INTS5: variants seen among roughly 807,000 people sequenced by gnomAD.
The protein encoded by INTS5 is KIAA1698.
A neutral mutation model predicts 60.0 loss-of-function variants in INTS5; 29 were observed. The ratio of observed to expected loss-of-function variants is 0.48; its 90% CI spans 0.36 to 0.66. INTS5 has a LOEUF of 0.66. Ranked by LOEUF, INTS5 falls within the 30% of genes least tolerant of loss-of-function variation. The probability of loss-of-function intolerance (pLI) is 0.00; values close to 1 mark genes in which losing one functional copy is unlikely to be tolerated. For missense variants in INTS5, 1,129 were observed against 1,307.9 expected (o/e 0.86, Z 2.11); for synonymous variants, 588 against 558.8 (o/e 1.05, Z -0.74).
chr11:62,646,883 A>T lies in INTS5; in HGVS notation c.*137T>A, dbSNP rs968736723. On this transcript the variant is annotated 3_prime_UTR_variant, in exon 2 of 2. Transcript: ENST00000330574. ...AAGTTGGCAAATTTTATTTAGAAAA[A>T]AAAAAGTGGGAGAGAAAAAAGTGAC... The T allele has an allele frequency of 6.7e-5, 56 of 839,820 alleles. No individual in the cohort carries two copies. The highest frequency in any genetic ancestry group is 1.0e-4 in the Non-Finnish European group (56 of 544,838). 52.0% of individuals were successfully genotyped at this position (839,820 alleles called of 1,614,324 possible). A position where few individuals can be genotyped will look rare whatever the true frequency, so the allele number is the denominator to read the frequency against.
Position 62,647,477 on chromosome 11 carries a change from G to A in INTS5, c.2603C>T (p.Pro868Leu). 1.2e-6 allele frequency: 2 copies of A among 1,605,050 alleles called. No homozygotes were observed. Among genetic ancestry groups the A allele is most frequent in the Non-Finnish European group, 1.7e-6 (2 of 1,174,306 alleles). Reference protein sequence around the residue: ...FELLKLVAAAPPALCYCSVLL... With the variant: ...FELLKLVAAALPALCYCSVLL... ...CACGGAACAGTAGCACAGGGCTGGGGGTGCAGCTGCTACCAGCTTTAACAG... is the reference window on the plus strand; with the variant it reads ...CACGGAACAGTAGCACAGGGCTGGGAGTGCAGCTGCTACCAGCTTTAACAG... The change falls in exon 2 of 2, where the codon CCC (proline) becomes CTC (leucine). Residue 868 changes from proline (P) to leucine (L), a missense_variant. Around this residue, in one of 3 missense-constraint regions of INTS5, gnomAD observed 1,070 missense variants for 1,246.1 expected, o/e 0.86. Transcript: ENST00000330574.
At chr11:62,653,123 G>C (rs1944609497) in intron 1 of INTS5, 47 bp downstream of exon 1, 1 of 1,153,586 alleles carries the variant, frequency 8.7e-7, no homozygotes, top group Non-Finnish European at 1.1e-6. Context: ...GCTAGGGATC[G>C]GCGCGGGGCC....
chr11:62,652,059 T>C (rs759838307), intron 1 of INTS5, among the ~76,000 whole-genome samples: 1 of 150,500 alleles, frequency 6.6e-6, no homozygotes, highest in Non-Finnish European at 1.5e-5. Context: ...GTGCCTCACG[T>C]CTGTAATCCT....
Position 62,653,244 on chromosome 11 carries a change from G to C in INTS5, c.6C>G (p.Ser2=), listed in dbSNP as rs1012702002. 1 of 1,243,522 alleles carries C rather than the reference G, an allele frequency of 8.0e-7. No homozygotes were observed. The highest frequency in any genetic ancestry group is 1.5e-5 in the African/African-American group (1 of 64,538). 77.0% of individuals were successfully genotyped at this position (1,243,522 alleles called of 1,614,324 possible). A position where few individuals can be genotyped will look rare whatever the true frequency, so the allele number is the denominator to read the frequency against. ...GGGCCCCGGGAGGGTCGCACAGCGC[G>C]GACATCCCGGAGCCCGAGCCGAGCC... The part of the protein sequence containing the change: M[S]ALCDPPGAPG... Residue 2 remains serine, a synonymous_variant, in exon 1 of 2, where the codon TCC becomes TCG. Coordinates refer to ENST00000330574, the MANE Select transcript of INTS5 (RefSeq NM_030628.2).
chr11:62,647,164 G>C lies in INTS5; in HGVS notation c.2916C>G (p.Asp972Glu). 6.2e-7 allele frequency: 1 copy of C among 1,614,190 alleles called. No individual in the cohort carries two copies. Among genetic ancestry groups the C allele is most frequent in the Non-Finnish European group, 8.5e-7 (1 of 1,180,026 alleles). Residue 972 changes from aspartate to glutamate, a missense_variant, in exon 2 of 2, where the codon GAC (aspartate) becomes GAG (glutamate). Around this residue, in one of 3 missense-constraint regions of INTS5, gnomAD observed 1,070 missense variants for 1,246.1 expected, o/e 0.86. Coordinates refer to ENST00000330574, the MANE Select transcript of INTS5 (RefSeq NM_030628.2). ...FQSERGRFIR[D>E]FSREGGGEGG... ...CCTCACCTCCACCCTCCCTGGAGAA[G>C]TCCCGAATGAAGCGACCCCGCTCTG...
Position 62,653,162 on chromosome 11 carries a change from C to T in INTS5, c.80+8G>A. ...CGATGGGGGGAAGGTGCCAAGGGCT[C>T]TAACTACCTGAGAGGCGCGGGACCG... On this transcript the variant is annotated splice_region_variant and intron_variant, in intron 1 of 1. Transcript: ENST00000330574. 8.0e-7 allele frequency: 1 copy of T among 1,245,840 alleles called. No homozygotes were observed. Among genetic ancestry groups the T allele is most frequent in the Non-Finnish European group, 1.0e-6 (1 of 985,772 alleles). The allele number at this position is 1,245,840 out of a possible 1,614,324, so 77.2% of individuals were successfully genotyped here. A position where few individuals can be genotyped will look rare whatever the true frequency, so the allele number is the denominator to read the frequency against.
rs1434976211 is a variant in INTS5, at chr11:62,649,771, G to A, written c.309C>T (p.Leu103=). ...DETPVAGPPH[L]RPPPPSHVPA... ...GGACATGAGAGGGTGGAGGTGGACG[G>A]AGGTGAGGTGGACCAGCCACAGGGG... Residue 103 remains leucine, a synonymous_variant, in exon 2 of 2, where the codon CTC becomes CTT. Coordinates refer to ENST00000330574, the MANE Select transcript of INTS5 (RefSeq NM_030628.2). This position sits in a 1 kb window ranked among gnomAD's most constrained non-coding sequence, Gnocchi z 6.0. 2 of 1,614,180 alleles carry A rather than the reference G, an allele frequency of 1.2e-6. No homozygotes were observed. The highest frequency in any genetic ancestry group is 1.7e-6 in the Non-Finnish European group (2 of 1,180,018).
chr11:62,652,929 G>A (rs1354482335), intron 1 of INTS5, among the ~76,000 whole-genome samples: 2 of 152,212 alleles, frequency 1.3e-5, no homozygotes, highest in Admixed American at 6.5e-5. Context: ...CTTGGGAGAG[G>A]AAGCCCGGGG....
Position 62,649,872 on chromosome 11 carries a change from G to C in INTS5, c.208C>G (p.Arg70Gly), listed in dbSNP as rs997572438. The stretch of plus-strand genomic sequence containing the variant: ...CTCAAGTGGTCAAGCACAGCAGCCC[G>C]AGCAGGTGGCAAAGAACGGAGCAGG... ...LLLLRSLPPA[R>G]AAVLDHLRGV... The change falls in exon 2 of 2, where the codon CGG (arginine) becomes GGG (glycine). Residue 70 changes from arginine (R) to glycine (G), a missense_variant. Arg to Gly is a moderately radical substitution (Grantham distance 125). Transcript: ENST00000330574. This position sits in a 1 kb window ranked among gnomAD's most constrained non-coding sequence, Gnocchi z 6.0. 6.2e-7 allele frequency: 1 copy of C among 1,614,174 alleles called. No individual in the cohort carries two copies. Among genetic ancestry groups the C allele is most frequent in the Admixed American group, 1.7e-5 (1 of 60,020 alleles).
In INTS5 at chr11:62,653,188, T is replaced by C; in HGVS notation, c.62A>G (p.His21Arg). 2 of 1,246,860 alleles carry C rather than the reference T, an allele frequency of 1.6e-6. No homozygotes were observed. The highest frequency in any genetic ancestry group is 2.0e-6 in the Non-Finnish European group (2 of 987,464). 77.2% of individuals were successfully genotyped at this position (1,246,860 alleles called of 1,614,324 possible). The change falls in exon 1 of 2, where the codon CAC becomes CGC. Residue 21 changes from histidine (H) to arginine (R), a missense_variant. Physicochemically the swap from His to Arg is conservative, Grantham distance 29. Around this residue, in one of 3 missense-constraint regions of INTS5, gnomAD observed 54 missense variants for 43.1 expected, o/e 1.25. Coordinates refer to ENST00000330574, the MANE Select transcript of INTS5 (RefSeq NM_030628.2). Reference protein sequence around the residue: ...PGPPGPAPATHGPAPLSAQEL... With the variant: ...PGPPGPAPATRGPAPLSAQEL... Reference sequence around the variant, plus strand: ...TAACTACCTGAGAGGCGCGGGACCGTGGGTGGCCGGGGCAGGCCCAGGTGG... The same window carrying C: ...TAACTACCTGAGAGGCGCGGGACCGCGGGTGGCCGGGGCAGGCCCAGGTGG...
chr11:62,649,098 G>A lies in INTS5; in HGVS notation c.982C>T (p.Arg328Cys), dbSNP rs1024650635. 5.6e-6 allele frequency: 9 copies of A among 1,610,452 alleles called. No homozygotes were observed. Among genetic ancestry groups the A allele is most frequent in the Admixed American group, 3.3e-5 (2 of 59,946 alleles). ...HDSLAGGSGG[R>C]SGDPSLQATV... ...GCCTGAAGGGAGGGGTCCCCACTGC[G>A]GCCTCCAGATCCCCCTGCCAGGCTA... Residue 328 changes from arginine to cysteine, a missense_variant, in exon 2 of 2, where the codon CGC becomes TGC. Coordinates refer to ENST00000330574, the MANE Select transcript of INTS5 (RefSeq NM_030628.2). This position sits in a 1 kb window ranked among gnomAD's most constrained non-coding sequence, Gnocchi z 6.0.
In INTS5 at chr11:62,653,165, AC is replaced by A; in HGVS notation, c.80+4del. On this transcript the variant is annotated splice_donor_region_variant and intron_variant, in intron 1 of 1. Transcript: ENST00000330574. ...TGGGGGGAAGGTGCCAAGGGCTCTAACTACCTGAGAGGCGCGGGACCGTGGG... is the reference window on the plus strand; with the variant it reads ...TGGGGGGAAGGTGCCAAGGGCTCTAATACCTGAGAGGCGCGGGACCGTGGG... 8.0e-7 allele frequency: 1 copy of A among 1,245,912 alleles called. No individual in the cohort carries two copies. The allele number at this position is 1,245,912 out of a possible 1,614,324, so 77.2% of individuals were successfully genotyped here.
rs990753382 is a variant in INTS5 at position 62,653,219 on chromosome 11, G to A, written c.31C>T (p.Pro11Ser). 4 of 1,246,720 alleles carry A rather than the reference G, an allele frequency of 3.2e-6. No individual in the cohort carries two copies. Among genetic ancestry groups the A allele is most frequent in the East Asian group, 6.3e-5 (2 of 31,682 alleles). The allele number at this position is 1,246,720 out of a possible 1,614,324, so 77.2% of individuals were successfully genotyped here. MSALCDPPGA[P>S]GPPGPAPATH... is the part of the protein sequence containing the mutation. ...GCCGGGGCAGGCCCAGGTGGCCCTG[G>A]GGCCCCGGGAGGGTCGCACAGCGCG... Residue 11 changes from proline (P) to serine (S), a missense_variant, in exon 1 of 2, where the codon CCA becomes TCA. By Grantham distance (74) the Pro-to-Ser change is moderately conservative (BLOSUM62 -1). Coordinates refer to ENST00000330574, the MANE Select transcript of INTS5 (RefSeq NM_030628.2).
In INTS5 at chr11:62,648,031, A is replaced by G. The variant is rs138226599; in HGVS notation, c.2049T>C (p.Ala683=). 1.2e-5 allele frequency: 19 copies of G among 1,614,086 alleles called. No homozygotes were observed. The African/African-American group carries it at 2.4e-4, about 20-fold the overall frequency. ...LLTRLSQTSP[A]GLKAVLQLLV... is the part of the protein sequence containing the mutation. ...GCAGCTGCAGGACAGCCTTGAGCCC[A>G]GCTGGGGATGTCTGAGACAGGCGGG... Residue 683 remains alanine (A), a synonymous_variant, in exon 2 of 2, where the codon GCT becomes GCC. Coordinates refer to ENST00000330574, the MANE Select transcript of INTS5 (RefSeq NM_030628.2). This position sits in a 1 kb window ranked among gnomAD's most constrained non-coding sequence, Gnocchi z 4.4.
chr11:62,648,562 C>T lies in INTS5; in HGVS notation c.1518G>A (p.Leu506=), dbSNP rs149540389. The T allele has an allele frequency of 1.6e-5, 26 of 1,614,054 alleles. No individual in the cohort carries two copies. The African/African-American group carries it at 3.5e-4, about 22-fold the overall frequency. The part of the protein sequence containing the change: ...FLWQHQLLGL[L]SVYTRPSCGP... Reference sequence around the variant, plus strand: ...CACAGCTAGGCCGGGTATAGACAGACAGCAGGCCCAAGAGCTGGTGCTGCC... The same window carrying T: ...CACAGCTAGGCCGGGTATAGACAGATAGCAGGCCCAAGAGCTGGTGCTGCC... The change falls in exon 2 of 2, where the codon CTG becomes CTA. Residue 506 remains leucine (L), a synonymous_variant. Coordinates refer to ENST00000330574, the MANE Select transcript of INTS5 (RefSeq NM_030628.2). This position sits in a 1 kb window ranked among gnomAD's most constrained non-coding sequence, Gnocchi z 4.4.
intron 1 of INTS5, among the ~76,000 whole-genome samples, chr11:62,650,862 G>A (rs1260712990): frequency 6.6e-6 from 1 of 151,136 alleles, no homozygotes; most frequent in African/African-American, 2.4e-5. Flanking sequence ...CACATGCCAC[G>A]ACACCCAGCT....
rs1944571174 is a variant in INTS5, at chr11:62,648,818, G to A, written c.1262C>T (p.Thr421Ile). Residue 421 changes from threonine (T) to isoleucine (I), a missense_variant, in exon 2 of 2, where the codon ACC becomes ATC. By Grantham distance (89) the Thr-to-Ile change is moderately conservative. Transcript: ENST00000330574. The surrounding 1 kb of genome is among the most constrained non-coding windows in gnomAD (Gnocchi z 4.4). ...GTCTGGCACAGCCAGGCCCTGGGTG[G>A]TAATGACCGAAGCAGGCATAGCTGT... ...VDTAMPASVI[T>I]TQGLAVPDTV... 6.2e-7 allele frequency: 1 copy of A among 1,613,992 alleles called. No homozygotes were observed.
At chr11:62,653,089 A>C in intron 1 of INTS5, 81 bp downstream of exon 1, 6 of 843,006 alleles carry the variant, frequency 7.1e-6, no homozygotes, top group South Asian at 6.1e-5. Context: ...TTCTCGAGGT[A>C]GGATCCGGGT....
chr11:62,646,849 G>T lies in INTS5; in HGVS notation c.*171C>A, dbSNP rs1022528844. 2 of 726,586 alleles carry T rather than the reference G, an allele frequency of 2.8e-6. No homozygotes were observed. The highest frequency in any genetic ancestry group is 2.2e-6 in the Non-Finnish European group (1 of 448,268). The allele number at this position is 726,586 out of a possible 1,614,324, so 45.0% of individuals were successfully genotyped here. A position where few individuals can be genotyped will look rare whatever the true frequency, so the allele number is the denominator to read the frequency against. On this transcript the variant is annotated 3_prime_UTR_variant, in exon 2 of 2. Coordinates refer to ENST00000330574, the MANE Select transcript of INTS5 (RefSeq NM_030628.2). ...CTCAGCATGACAGAAGCACTGGACT[G>T]GTTTTCTCAAGTTGGCAAATTTTAT...
Sources: allele counts gnomAD v4.1 joint callset (sites outside exome capture counted in the v4.1 genomes callset), GRCh38; gene constraint gnomAD v4.1.1; regional missense constraint gnomAD v4.1.1; non-coding constraint Gnocchi (gnomAD v3.1); transcripts MANE v1.5; gene names NCBI Gene and HGNC (gene_info 2026-07-23, HGNC 2026-07-21).